Variants in SCN2A observed in about 807,000 individuals in gnomAD.
SCN2A encodes the protein sodium channel protein type 2 subunit alpha.
In SCN2A, 20 loss-of-function variants were observed where a neutral mutation model predicts 188.7. The ratio of observed to expected loss-of-function variants is 0.11; its 90% CI spans 0.07 to 0.15. The LOEUF (loss-of-function observed/expected upper bound fraction) is 0.15, where lower values mean the gene tolerates loss of function less well. SCN2A is among the 10% of genes least tolerant of loss of function. SCN2A has a pLI of 1.00. For synonymous variants in SCN2A, 804 were observed against 833.1 expected (o/e 0.97, Z 0.60); for missense variants, 1,278 against 2,445.0 (o/e 0.52, Z 10.07).
Position 165,310,578 on chromosome 2 carries a change from A to G in SCN2A, c.953A>G (p.Glu318Gly). Residue 318 changes from glutamate (E) to glycine (G), a missense_variant, in exon 7 of 27, where the codon GAA becomes GGA. This residue lies in a region of SCN2A where 45 missense variants were observed against 58.1 expected (regional missense o/e 0.77). Coordinates refer to ENST00000375437, the MANE Select transcript of SCN2A (RefSeq NM_001040142.2). ...NRTVSIFNWDEYIEDKSHFYF... is the reference protein window; with the variant it reads ...NRTVSIFNWDGYIEDKSHFYF... ...ACAGTGAGCATATTTAACTGGGATG[A>G]ATATATTGAGGATAAAAGTAAGATA... is the stretch of plus-strand genomic sequence containing the variant. 1 of 1,611,582 alleles carries G rather than the reference A, an allele frequency of 6.2e-7. No homozygotes were observed. The highest frequency in any genetic ancestry group is 8.5e-7 in the Non-Finnish European group (1 of 1,178,156).
chr2:165,351,179 CTA>C (rs1391668032), intron 16 of SCN2A, among the ~76,000 whole-genome samples: 1 of 152,134 alleles, frequency 6.6e-6, no homozygotes, highest in Non-Finnish European at 1.5e-5. Flanking sequence ...ATGTGCTCCT[CTA>C]TGTCAAGTAA....
chr2:165,379,009 A>C (rs116815581), intron 23 of SCN2A, among the ~76,000 whole-genome samples: 377 of 151,960 alleles, frequency 2.5e-3, no homozygotes, highest in African/African-American at 8.7e-3. Context: ...TGATAGGAAA[A>C]AAAATAGTTA....
At chr2:165,287,141 A>G (rs1695875732) in intron 1 of SCN2A, among the ~76,000 whole-genome samples, 1 of 152,330 alleles carries the variant, frequency 6.6e-6, no homozygotes, top group East Asian at 1.9e-4. Context: ...AGTAAAGTAT[A>G]CTTGGGAAAA....
intron 15 of SCN2A, among the ~76,000 whole-genome samples, chr2:165,342,863 G>A (rs1699386420): frequency 1.3e-5 from 2 of 152,174 alleles, no homozygotes; most frequent in Non-Finnish European, 2.9e-5. Flanking sequence ...TTATGGAATT[G>A]TTCATTGCTC....
chr2:165,378,295 GC>G (rs894405819), intron 23 of SCN2A, among the ~76,000 whole-genome samples: 10 of 148,590 alleles, frequency 6.7e-5, no homozygotes, highest in Non-Finnish European at 1.0e-4. Context: ...CCTAGCACCA[GC>G]AGCTAGCTTT....
At position 165,390,998 on chromosome 2, in the gene SCN2A, A is replaced by T. The variant is rs1702101947; in HGVS notation, c.*1174A>T. ...TTTAAGCACACTACTTATTGCATCAAATATGTACCACAGTAAGTATAGTTT... is the reference window on the plus strand; with the variant it reads ...TTTAAGCACACTACTTATTGCATCATATATGTACCACAGTAAGTATAGTTT... On this transcript the variant is annotated 3_prime_UTR_variant, in exon 27 of 27. Coordinates refer to ENST00000375437, the MANE Select transcript of SCN2A (RefSeq NM_001040142.2). 1 of 152,586 alleles carries T rather than the reference A, an allele frequency of 6.6e-6. No individual in the cohort carries two copies. The highest frequency in any genetic ancestry group is 1.5e-5 in the Non-Finnish European group (1 of 68,008). 9.5% of individuals were successfully genotyped at this position (152,586 alleles called of 1,614,324 possible). A position where few individuals can be genotyped will look rare whatever the true frequency, so the allele number is the denominator to read the frequency against.
intron 3 of SCN2A, among the ~76,000 whole-genome samples, chr2:165,304,411 A>G (rs1181521285): frequency 6.6e-6 from 1 of 152,204 alleles, no homozygotes; most frequent in African/African-American, 2.4e-5. Context: ...ATATTTGAAG[A>G]CAAACTTTAT....
At chr2:165,358,652 T>A (rs1031978329) in intron 17 of SCN2A, among the ~76,000 whole-genome samples, 7 of 152,042 alleles carry the variant, frequency 4.6e-5, no homozygotes, top group Admixed American at 3.9e-4. Context: ...TAAAAATAGA[T>A]TTAGAGTCCA....
chr2:165,342,323 A>G lies in SCN2A; in HGVS notation c.2416A>G (p.Met806Val). 3 of 1,613,986 alleles carry G rather than the reference A, an allele frequency of 1.9e-6. No individual in the cohort carries two copies. The highest frequency in any genetic ancestry group is 2.5e-6 in the Non-Finnish European group (3 of 1,179,940). The stretch of plus-strand genomic sequence containing the variant: ...CTTCACAGGGATCTTCACAGCAGAA[A>G]TGTTTCTCAAGATAATTGCCATGGA... ...LVFTGIFTAE[M>V]FLKIIAMDPY... The change falls in exon 15 of 27, where the codon ATG becomes GTG. Residue 806 changes from methionine (M) to valine (V), a missense_variant. By Grantham distance (21) the Met-to-Val change is conservative. This residue lies in a region of SCN2A where 83 missense variants were observed against 256.8 expected (regional missense o/e 0.32). Coordinates refer to ENST00000375437, the MANE Select transcript of SCN2A (RefSeq NM_001040142.2).
rs1458522192 is a variant in SCN2A at position 165,373,308 on chromosome 2, G to C, written c.3933G>C (p.Leu1311=). ...AIKSLRTLRA[L]RPLRALSRFE... is the part of the protein sequence containing the mutation. ...AATCCCTCAGAACACTAAGAGCTCT[G>C]AGGCCACTGAGAGCTTTGTCCCGGT... Residue 1311 remains leucine, a synonymous_variant, in exon 21 of 27, where the codon CTG becomes CTC. Coordinates refer to ENST00000375437, the MANE Select transcript of SCN2A (RefSeq NM_001040142.2). 6.2e-7 allele frequency: 1 copy of C among 1,613,274 alleles called. No individual in the cohort carries two copies. The highest frequency in any genetic ancestry group is 1.3e-5 in the African/African-American group (1 of 75,010).
chr2:165,388,269 C>T (rs1701974789), intron 26 of SCN2A, among the ~76,000 whole-genome samples: 1 of 152,060 alleles, frequency 6.6e-6, no homozygotes, highest in Non-Finnish European at 1.5e-5. Flanking sequence ...AATCATACAC[C>T]TTTAGTTCTT....
rs374036885 is a variant in SCN2A, at chr2:165,388,597, C to T, written c.4823-32C>T. Reference sequence around the variant, plus strand: ...TTTCATTTGCTACTATTAAGTATAACAATATTTTTGTTATTTGTTGATTTT... The same window carrying T: ...TTTCATTTGCTACTATTAAGTATAATAATATTTTTGTTATTTGTTGATTTT... On this transcript the variant is annotated intron_variant, in intron 26 of 26. Transcript: ENST00000375437. 1.9e-5 allele frequency: 30 copies of T among 1,613,166 alleles called. No individual in the cohort carries two copies. The African/African-American group carries it at 3.3e-4, about 18-fold the overall frequency.
chr2:165,336,517 T>C (rs1015165787), intron 14 of SCN2A, among the ~76,000 whole-genome samples: 3 of 151,942 alleles, frequency 2.0e-5, no homozygotes, highest in African/African-American at 7.2e-5. Flanking sequence ...TTATATGAAA[T>C]GTTCATAACA....
chr2:165,308,829 G>T (rs769945367), intron 5 of SCN2A, 35 bp downstream of exon 5: 3 of 1,611,044 alleles, frequency 1.9e-6, no homozygotes, highest in Admixed American at 3.3e-5. Context: ...TCCTGGAAGA[G>T]TAAATCACTG....
rs146434390 is a variant in SCN2A, at chr2:165,317,122, T to G, written c.1671+1364T>G. On this transcript the variant is annotated intron_variant, in intron 11 of 26. Coordinates refer to ENST00000375437, the MANE Select transcript of SCN2A (RefSeq NM_001040142.2). ...TCACATGTGATATATATAAATTTTT[T>G]TAGGTCAGCCTTATTCATTTCAAAT... Among the ~76,000 whole-genome samples, 1,178 of 152,270 alleles carry G rather than the reference T, an allele frequency of 7.7e-3. 22 individuals carry two copies. Among genetic ancestry groups the G allele is most frequent in the African/African-American group, 0.026 (1,088 of 41,572 alleles).
At chr2:165,373,457 C>A in intron 21 of SCN2A, 110 bp downstream of exon 21, 3 of 1,203,346 alleles carry the variant, frequency 2.5e-6, no homozygotes, top group Non-Finnish European at 3.6e-6. Context: ...CACATTCATA[C>A]TGACATAGCT....
chr2:165,310,750 A>G, intron 7 of SCN2A, 155 bp downstream of exon 7: 1 of 482,848 alleles, frequency 2.1e-6, no homozygotes, highest in Non-Finnish European at 3.4e-6. Flanking sequence ...ATGATACCTT[A>G]TTCTATTTTT....
rs71028477 is a variant in SCN2A, at chr2:165,303,270, G to GTTTTTTTTTTTTTTTTTTTTT, written c.387-4575_387-4555dup. On this transcript the variant is annotated intron_variant, in intron 3 of 26. Transcript: ENST00000375437. ...TTGTATTTGAGTTTTTGTTATTTGAGTTTTTTTTTTTTTTTTTTTTTTTGA... is the reference window on the plus strand; with the variant it reads ...TTGTATTTGAGTTTTTGTTATTTGAGTTTTTTTTTTTTTTTTTTTTTTTTTTTTTTTTTTTTTTTTTTTTGA... Among the ~76,000 whole-genome samples the GTTTTTTTTTTTTTTTTTTTTT allele has an allele frequency of 1.3e-4, 12 of 91,314 alleles. 1 individual carries two copies. Among genetic ancestry groups the GTTTTTTTTTTTTTTTTTTTTT allele is most frequent in the East Asian group, 7.5e-4 (2 of 2,674 alleles). The allele number at this position is 91,314 out of a possible 152,430, so 59.9% of individuals were successfully genotyped here. A position where few individuals can be genotyped will look rare whatever the true frequency, so the allele number is the denominator to read the frequency against.
chr2:165,295,747 CT>C, intron 1 of SCN2A, 25 bp from the exon 2 acceptor site: 4 of 1,607,348 alleles, frequency 2.5e-6, no homozygotes, highest in Admixed American at 1.7e-5. Flanking sequence ...ATGGTCATTG[CT>C]TTTTTTCCCT....
Sources: allele counts gnomAD v4.1 joint callset (sites outside exome capture counted in the v4.1 genomes callset), GRCh38; gene constraint gnomAD v4.1.1; regional missense constraint gnomAD v4.1.1; transcripts MANE v1.5; gene names NCBI Gene and HGNC (gene_info 2026-07-23, HGNC 2026-07-21).